WWOX: variants seen among roughly 807,000 people sequenced by gnomAD.
The protein encoded by WWOX is WW domain containing oxidoreductase.
A neutral mutation model predicts 46.2 loss-of-function variants in WWOX; 69 were observed. That is an observed-to-expected ratio of 1.49 (90% CI 1.23 to 1.82). The LOEUF (loss-of-function observed/expected upper bound fraction) is 1.82. Among genes scored for constraint, WWOX ranks in the 40% most tolerant of loss-of-function variants. WWOX has a pLI of 0.00. For synonymous variants in WWOX, 359 were observed against 202.6 expected (o/e 1.77, Z -6.56); for missense variants, 919 against 542.6 (o/e 1.69, Z -6.89).
At chr16:78,896,832 T>G (rs1300958299) in intron 8 of WWOX, 2 of 152,206 alleles carry the variant, frequency 1.3e-5, no homozygotes, top group Admixed American at 1.3e-4. Context: ...TTTACATAAT[T>G]TATGTTCTAT....
chr16:78,506,189 C>T (rs2085199378), intron 8 of WWOX, among the ~76,000 whole-genome samples: 1 of 152,166 alleles, frequency 6.6e-6, no homozygotes, highest in Non-Finnish European at 1.5e-5. Context: ...TCGGAGGCAG[C>T]CCTCCAAACA....
At chr16:79,118,225 C>A (rs541144281) in intron 8 of WWOX, among the ~76,000 whole-genome samples, 2 of 152,184 alleles carry the variant, frequency 1.3e-5, no homozygotes, top group Non-Finnish European at 2.9e-5. Context: ...TGTTGTGTCT[C>A]AGGTAATAGG....
At chr16:78,942,014 A>T (rs2045861152) in intron 8 of WWOX, among the ~76,000 whole-genome samples, 1 of 152,150 alleles carries the variant, frequency 6.6e-6, no homozygotes, top group Non-Finnish European at 1.5e-5. Context: ...AGTATTGGCG[A>T]GCATTTCTTT....
intron 8 of WWOX, among the ~76,000 whole-genome samples, chr16:78,667,575 G>A (rs538957526): frequency 1.3e-4 from 20 of 150,784 alleles, no homozygotes; most frequent in Middle Eastern, 6.8e-3. Context: ...GGAGACTGAG[G>A]CAGGAGAATG....
intron 5 of WWOX, among the ~76,000 whole-genome samples, chr16:78,174,393 C>G (rs2035264055): frequency 6.6e-6 from 1 of 152,098 alleles, no homozygotes; most frequent in Non-Finnish European, 1.5e-5. Flanking sequence ...TTACCTCCCC[C>G]CGGGTCCCTC....
chr16:79,010,788 T>C (rs550238884), intron 8 of WWOX, among the ~76,000 whole-genome samples: 1 of 122,136 alleles, frequency 8.2e-6, no homozygotes, highest in South Asian at 2.6e-4. Context: ...GGGGAAACCA[T>C]GGCCCTAAGG....
Position 78,834,709 on chromosome 16 carries a change from T to C in WWOX, c.1057-376899T>C, listed in dbSNP as rs535577706. Among the ~76,000 whole-genome samples the C allele has an allele frequency of 3.3e-5, 5 of 152,266 alleles. No homozygotes were observed. The East Asian group carries it at 9.7e-4, about 29-fold the overall frequency. ...AAGATTTTGTATATTGCAGAGATAA[T>C]TTATAGATACAGGTACAAAGGGGAT... is the stretch of plus-strand genomic sequence containing the variant. On this transcript the variant is annotated intron_variant, in intron 8 of 8. Transcript: ENST00000566780.
At chr16:78,417,061 T>C (rs1187185679) in intron 6 of WWOX, among the ~76,000 whole-genome samples, 1 of 107,456 alleles carries the variant, frequency 9.3e-6, no homozygotes. Flanking sequence ...GTTTGCTTCT[T>C]TATATTAGCT....
chr16:78,824,739 G>C (rs1021333044), intron 8 of WWOX, among the ~76,000 whole-genome samples: 1 of 152,056 alleles, frequency 6.6e-6, no homozygotes, highest in Non-Finnish European at 1.5e-5. Context: ...AGGAAAGACC[G>C]GCCCACATGA....
intron 7 of WWOX, among the ~76,000 whole-genome samples, chr16:78,430,883 C>G (rs995843517): frequency 6.6e-6 from 1 of 152,152 alleles, no homozygotes; most frequent in Non-Finnish European, 1.5e-5. Flanking sequence ...TTTTCTTGGT[C>G]TTAGCCCAAC....
chr16:79,179,184 A>G (rs572055620), intron 8 of WWOX, among the ~76,000 whole-genome samples: 327 of 152,342 alleles, frequency 2.1e-3, no homozygotes, highest in Admixed American at 3.7e-3. Context: ...CTGTCTTCCA[A>G]AAGTGTAGCA....
intron 5 of WWOX, chr16:78,167,083 T>C (rs935637600): frequency 6.6e-6 from 1 of 152,248 alleles, no homozygotes; most frequent in Non-Finnish European, 1.5e-5. Context: ...TTTAAACCAG[T>C]CTTGGAAGAT....
intron 8 of WWOX, among the ~76,000 whole-genome samples, chr16:78,809,917 C>T (rs1020513589): frequency 5.9e-5 from 9 of 152,208 alleles, no homozygotes; most frequent in African/African-American, 2.2e-4. Context: ...ATGTTCCACA[C>T]TCACCTTCTC....
chr16:79,192,404 T>G (rs1222551841), intron 8 of WWOX, among the ~76,000 whole-genome samples: 1 of 152,198 alleles, frequency 6.6e-6, no homozygotes, highest in African/African-American at 2.4e-5. Context: ...CCAGACCCAG[T>G]GCCAAATACT....
chr16:78,962,384 C>T (rs190668300), intron 8 of WWOX, among the ~76,000 whole-genome samples: 9 of 133,598 alleles, frequency 6.7e-5, no homozygotes, highest in African/African-American at 2.2e-4. Flanking sequence ...GGCCCAAAGG[C>T]TCTGGACAAG....
At chr16:78,305,508 G>A (rs140387415) in intron 5 of WWOX, among the ~76,000 whole-genome samples, 1,902 of 152,160 alleles carry the variant, frequency 0.013, 43 homozygotes, top group African/African-American at 0.044. Flanking sequence ...TTCCCCCTGA[G>A]TTCCCTCTGG....
At chr16:78,334,808 G>GCA (rs752956790) in intron 5 of WWOX, among the ~76,000 whole-genome samples, 3,127 of 78,752 alleles carry the variant, frequency 0.04, 50 homozygotes, top group Non-Finnish European at 0.061. Flanking sequence ...ACACACACAC[G>GCA]CACACACACA....
chr16:78,780,840 G>A (rs540634937), intron 8 of WWOX, among the ~76,000 whole-genome samples: 1 of 152,284 alleles, frequency 6.6e-6, no homozygotes, highest in Non-Finnish European at 1.5e-5. Context: ...TGTAAAAGAA[G>A]AAAGGAAGCC....
At chr16:78,814,119 G>A (rs535445352) in intron 8 of WWOX, among the ~76,000 whole-genome samples, 1 of 152,322 alleles carries the variant, frequency 6.6e-6, no homozygotes, top group South Asian at 2.1e-4. Context: ...GTGTGTCATT[G>A]CAGGAGAAGA....
Sources: gnomAD v4.1 joint callset for allele counts (sites outside exome capture counted in the v4.1 genomes callset) on GRCh38, gnomAD v4.1.1 for gene constraint, MANE v1.5 for transcripts, NCBI Gene and HGNC (gene_info 2026-07-23, HGNC 2026-07-21) for gene names.